Variants in SCD5 observed in about 807,000 individuals in gnomAD.
SCD5 encodes acyl-CoA-desaturase 4.
A neutral mutation model predicts 30.4 loss-of-function variants in SCD5; 20 were observed. The ratio of observed to expected loss-of-function variants is 0.66; its 90% CI spans 0.46 to 0.96. The LOEUF (loss-of-function observed/expected upper bound fraction) is 0.96. SCD5 is among the 40% of genes least tolerant of loss of function. The pLI is 0.00. For missense variants in SCD5, 381 were observed against 443.3 expected, an observed-to-expected ratio of 0.86 and a Z score of 1.26; for synonymous variants, 173 against 176.4, an observed-to-expected ratio of 0.98 and a Z score of 0.16.
chr4:82,740,052 C>G (rs1186207117), intron 1 of SCD5, among the ~76,000 whole-genome samples: 1 of 152,184 alleles, frequency 6.6e-6, no homozygotes, highest in Non-Finnish European at 1.5e-5. Flanking sequence ...GCCTCCAATG[C>G]CATTCCTGCT....
intron 1 of SCD5, among the ~76,000 whole-genome samples, chr4:82,714,507 G>C (rs1720181947): frequency 6.6e-6 from 1 of 152,156 alleles, no homozygotes; most frequent in Non-Finnish European, 1.5e-5. Context: ...ATGAGCTCAT[G>C]AAGGAGGGAC....
chr4:82,798,127 T>C (rs890664197), intron 1 of SCD5, among the ~76,000 whole-genome samples, 179 bp downstream of exon 1: 4 of 147,188 alleles, frequency 2.7e-5, no homozygotes, highest in Non-Finnish European at 6.0e-5. Context: ...CAGAAACACC[T>C]GCCCGTCCCA....
chr4:82,647,961 G>A (rs1727666123), intron 3 of SCD5, among the ~76,000 whole-genome samples: 1 of 152,214 alleles, frequency 6.6e-6, no homozygotes, highest in Non-Finnish European at 1.5e-5. Flanking sequence ...GACCTTCCTT[G>A]ATAGTGAGGA....
At chr4:82,650,288 G>A (rs541913488) in intron 3 of SCD5, among the ~76,000 whole-genome samples, 1 of 152,290 alleles carries the variant, frequency 6.6e-6, no homozygotes, top group Admixed American at 6.5e-5. Context: ...AAAATGATAA[G>A]CATAACGGTG....
chr4:82,681,832 G>C (rs1388422653), intron 2 of SCD5, among the ~76,000 whole-genome samples: 2 of 152,174 alleles, frequency 1.3e-5, no homozygotes, highest in African/African-American at 4.8e-5. Context: ...TGTCATAAGA[G>C]AGGGGCAGTC....
intron 1 of SCD5, among the ~76,000 whole-genome samples, chr4:82,795,346 C>T (rs138105872): frequency 6.6e-6 from 1 of 152,314 alleles, no homozygotes; most frequent in Non-Finnish European, 1.5e-5. Context: ...TAATGCTACA[C>T]ATAACCAGTA....
intron 1 of SCD5, among the ~76,000 whole-genome samples, chr4:82,778,017 C>T (rs1391100997): frequency 6.6e-6 from 1 of 151,732 alleles, no homozygotes; most frequent in Admixed American, 6.6e-5. Flanking sequence ...TATATATGTA[C>T]CATGGAATAT....
intron 1 of SCD5, among the ~76,000 whole-genome samples, chr4:82,712,607 C>T (rs1720136442): frequency 6.6e-6 from 1 of 152,048 alleles, no homozygotes; most frequent in Non-Finnish European, 1.5e-5. Context: ...TGAGCCACCA[C>T]ACCTGGCCTC....
chr4:82,769,656 A>T (rs944786827), intron 1 of SCD5, among the ~76,000 whole-genome samples: 2 of 152,238 alleles, frequency 1.3e-5, no homozygotes, highest in African/African-American at 2.4e-5. Flanking sequence ...ATGCTCAGAA[A>T]TAACTGAATA....
chr4:82,665,017 A>ATATATATG (rs1180189591), intron 3 of SCD5, among the ~76,000 whole-genome samples: 1 of 118,114 alleles, frequency 8.5e-6, no homozygotes, highest in Admixed American at 9.0e-5. Flanking sequence ...ATATATATAT[A>ATATATATG]TATGTATAAT....
intron 1 of SCD5, among the ~76,000 whole-genome samples, chr4:82,764,173 ATTAAT>A (rs1241940802): frequency 6.6e-6 from 1 of 152,216 alleles, no homozygotes; most frequent in Non-Finnish European, 1.5e-5. Flanking sequence ...GTAAATTTAA[ATTAAT>A]TTAATAAAAT....
chr4:82,740,106 G>A (rs1349132311), intron 1 of SCD5, among the ~76,000 whole-genome samples: 1 of 152,124 alleles, frequency 6.6e-6, no homozygotes, highest in Non-Finnish European at 1.5e-5. Flanking sequence ...ACTTAAACTC[G>A]AGATAAGCAC....
intron 2 of SCD5, among the ~76,000 whole-genome samples, chr4:82,701,127 T>C (rs867984388): frequency 6.6e-6 from 1 of 152,238 alleles, no homozygotes; most frequent in Non-Finnish European, 1.5e-5. Context: ...AGAAGGTCCT[T>C]GTGCTACTGC....
At chr4:82,732,647 C>T (rs888711165) in intron 1 of SCD5, among the ~76,000 whole-genome samples, 4 of 152,092 alleles carry the variant, frequency 2.6e-5, no homozygotes, top group Admixed American at 6.5e-5. Flanking sequence ...GTAGAATAAG[C>T]GGGTTGGGTA....
intron 1 of SCD5, among the ~76,000 whole-genome samples, chr4:82,740,885 A>T (rs1291200532): frequency 3.3e-5 from 5 of 152,144 alleles, no homozygotes; most frequent in Non-Finnish European, 7.4e-5. Context: ...TAGAAACTAT[A>T]GGGGAGGGTG....
At chr4:82,748,951 A>G (rs560134344) in intron 1 of SCD5, among the ~76,000 whole-genome samples, 3 of 152,292 alleles carry the variant, frequency 2.0e-5, no homozygotes, top group South Asian at 2.1e-4. Context: ...CTTACAGTCT[A>G]CTGTGTGGGA....
intron 3 of SCD5, among the ~76,000 whole-genome samples, chr4:82,640,706 C>A (rs1365157921): frequency 6.6e-6 from 1 of 152,186 alleles, no homozygotes; most frequent in East Asian, 1.9e-4. Flanking sequence ...TAATAACAGT[C>A]ACTGGCCTTT....
chr4:82,736,089 C>T (rs1426762690), intron 1 of SCD5, among the ~76,000 whole-genome samples: 1 of 152,126 alleles, frequency 6.6e-6, no homozygotes, highest in African/African-American at 2.4e-5. Context: ...AGTTCGAGAC[C>T]AGCCTGGGCA....
intron 1 of SCD5, among the ~76,000 whole-genome samples, chr4:82,784,805 C>T (rs931736105): frequency 4.6e-5 from 7 of 152,154 alleles, no homozygotes; most frequent in African/African-American, 1.7e-4. Flanking sequence ...AAATATCTGA[C>T]AACCCACAGG....
Sources: allele counts gnomAD v4.1 joint callset (sites outside exome capture counted in the v4.1 genomes callset), GRCh38; gene constraint gnomAD v4.1.1; transcripts MANE v1.5; gene names NCBI Gene and HGNC (gene_info 2026-07-23, HGNC 2026-07-21).